Variants in HEMK2 observed in about 807,000 individuals in gnomAD.
HEMK2 encodes methyltransferase HEMK2.
At chr21:28,799,155 A>C in the HEMK2 span, among the ~76,000 whole-genome samples, 6 of 151,552 alleles carry the variant, frequency 4.0e-5, no homozygotes, top group African/African-American at 1.5e-4. Context: ...GCTGATAAAG[A>C]CATACCCAAG....
At chr21:28,718,604 A>ATAATC in the HEMK2 span, among the ~76,000 whole-genome samples, 1 of 125,910 alleles carries the variant, frequency 7.9e-6, no homozygotes, top group South Asian at 2.4e-4. Context: ...GTGCTCCAAC[A>ATAATC]TAATCTCCAC....
the HEMK2 span, among the ~76,000 whole-genome samples, chr21:28,870,094 T>A: frequency 6.6e-6 from 1 of 152,222 alleles, no homozygotes; most frequent in Non-Finnish European, 1.5e-5. Context: ...TTGTTTTGGT[T>A]TTCTCTTATA....
chr21:28,790,009 AACTT>A, the HEMK2 span, among the ~76,000 whole-genome samples: 7 of 152,240 alleles, frequency 4.6e-5, no homozygotes, highest in East Asian at 3.8e-4. Flanking sequence ...AGTTAACTTT[AACTT>A]ACTTAGTTAA....
At chr21:28,683,905 A>G in the HEMK2 span, among the ~76,000 whole-genome samples, 2 of 152,226 alleles carry the variant, frequency 1.3e-5, no homozygotes, top group Non-Finnish European at 2.9e-5. Context: ...GTCTGGCATC[A>G]TGAGAAGCTT....
At chr21:28,637,049 T>C in the HEMK2 span, among the ~76,000 whole-genome samples, 1 of 152,256 alleles carries the variant, frequency 6.6e-6, no homozygotes, top group African/African-American at 2.4e-5. Context: ...CAGTTTGATT[T>C]GCTGTGCTCA....
chr21:28,791,992 C>G, the HEMK2 span, among the ~76,000 whole-genome samples: 1 of 151,994 alleles, frequency 6.6e-6, no homozygotes, highest in Non-Finnish European at 1.5e-5. Flanking sequence ...AAGATGGCAA[C>G]GAAAGTGATC....
chr21:28,867,704 C>A, the HEMK2 span, among the ~76,000 whole-genome samples: 3 of 152,156 alleles, frequency 2.0e-5, no homozygotes, highest in Non-Finnish European at 4.4e-5. Context: ...CATGGATGGG[C>A]CCAGATGGAT....
the HEMK2 span, among the ~76,000 whole-genome samples, chr21:28,832,940 G>A: frequency 1.3e-5 from 2 of 152,208 alleles, no homozygotes; most frequent in African/African-American, 2.4e-5. Context: ...CCTATCATGT[G>A]CTAGGTGTTG....
At chr21:28,603,544 T>G in the HEMK2 span, among the ~76,000 whole-genome samples, 1,170 of 138,876 alleles carry the variant, frequency 8.4e-3, 24 homozygotes, top group African/African-American at 0.032. Flanking sequence ...TTACTGAGGA[T>G]ATATATGTGT....
chr21:28,715,609 T>C, the HEMK2 span, among the ~76,000 whole-genome samples: 5 of 152,340 alleles, frequency 3.3e-5, no homozygotes, highest in Admixed American at 6.5e-5. Context: ...ATTCTGTTGA[T>C]AGTTTATTTT....
chr21:28,811,249 G>GGAAAGAAAGAAA, the HEMK2 span, among the ~76,000 whole-genome samples: 146 of 133,008 alleles, frequency 1.1e-3, 1 homozygote, highest in African/African-American at 3.6e-3. Context: ...CAGAGAAAGA[G>GGAAAGAAAGAAA]GAAAGAAAGA....
the HEMK2 span, among the ~76,000 whole-genome samples, chr21:28,611,788 G>A: frequency 6.6e-6 from 1 of 151,786 alleles, no homozygotes; most frequent in Non-Finnish European, 1.5e-5. Flanking sequence ...GGCACCTGTA[G>A]TCCCAGCTAC....
the HEMK2 span, among the ~76,000 whole-genome samples, chr21:28,814,752 G>A: frequency 6.6e-6 from 1 of 151,754 alleles, no homozygotes; most frequent in African/African-American, 2.4e-5. Flanking sequence ...AGAGGATGTG[G>A]AGAAATAGGA....
chr21:28,631,076 A>G, the HEMK2 span, among the ~76,000 whole-genome samples: 4 of 152,104 alleles, frequency 2.6e-5, no homozygotes, highest in Non-Finnish European at 4.4e-5. Context: ...ACCAACTTCA[A>G]TGGGGTTGGG....
At chr21:28,665,577 C>A in the HEMK2 span, among the ~76,000 whole-genome samples, 1 of 151,624 alleles carries the variant, frequency 6.6e-6, no homozygotes, top group Non-Finnish European at 1.5e-5. Flanking sequence ...ATTAAAAAGT[C>A]AGGCAACAAC....
At chr21:28,679,366 C>T in the HEMK2 span, among the ~76,000 whole-genome samples, 1 of 152,126 alleles carries the variant, frequency 6.6e-6, no homozygotes, top group African/African-American at 2.4e-5. Flanking sequence ...TATATGCATC[C>T]AACACAAGAG....
chr21:28,854,901 G>A, the HEMK2 span, among the ~76,000 whole-genome samples: 1 of 152,068 alleles, frequency 6.6e-6, no homozygotes, highest in East Asian at 1.9e-4. Flanking sequence ...ATCCAATCAA[G>A]TTGACACTCA....
the HEMK2 span, chr21:28,878,370 A>C: frequency 1.2e-6 from 2 of 1,609,302 alleles, no homozygotes; most frequent in Non-Finnish European, 1.7e-6. Flanking sequence ...CTTTTAACTC[A>C]AGTTTGATTT....
chr21:28,579,565 T>C, the HEMK2 span, among the ~76,000 whole-genome samples: 7 of 152,160 alleles, frequency 4.6e-5, no homozygotes, highest in Non-Finnish European at 8.8e-5. Flanking sequence ...TAAATGTAGA[T>C]GTCTATTTTT....
Sources: allele counts gnomAD v4.1 joint callset (sites outside exome capture counted in the v4.1 genomes callset), GRCh38; gene constraint gnomAD v4.1.1; transcripts MANE v1.5; gene names NCBI Gene and HGNC (gene_info 2026-07-23, HGNC 2026-07-21).